The following CPM variants were observed in gnomAD, a reference collection of about 807,000 sequenced individuals.
CPM encodes the protein renal carboxypeptidase.
In CPM, 35 loss-of-function variants were observed where a neutral mutation model predicts 46.4. The observed-to-expected ratio is 0.75, with a 90% CI of 0.58 to 1.00. The LOEUF is 1.00. Among genes scored for constraint, CPM ranks in the 50% least tolerant of loss-of-function variants. The probability of loss-of-function intolerance (pLI) is 0.00; values close to 1 mark genes in which losing one functional copy is unlikely to be tolerated. For missense variants in CPM, 422 were observed against 530.4 expected, an observed-to-expected ratio of 0.80 and a Z score of 2.01; for synonymous variants, 195 against 195.3, an observed-to-expected ratio of 1.00 and a Z score of 0.01.
chr12:68,926,947 T>C (rs886374663), intron 2 of CPM, among the ~76,000 whole-genome samples: 10 of 152,274 alleles, frequency 6.6e-5, no homozygotes, highest in Non-Finnish European at 1.0e-4. Flanking sequence ...CCACATTTTC[T>C]TAATCCAGTC....
At chr12:68,896,342 C>G (rs1033820469) in intron 2 of CPM, among the ~76,000 whole-genome samples, 7 of 152,140 alleles carry the variant, frequency 4.6e-5, no homozygotes, top group Non-Finnish European at 8.8e-5. Flanking sequence ...CCTGCAACCC[C>G]TCTCCTATCA....
At chr12:68,906,637 C>T (rs138387541) in intron 2 of CPM, among the ~76,000 whole-genome samples, 1 of 152,060 alleles carries the variant, frequency 6.6e-6, no homozygotes, top group African/African-American at 2.4e-5. Flanking sequence ...TTACAGGTAT[C>T]CGCCATCACA....
In CPM at chr12:68,854,671, AGTT is replaced by A. The variant is rs1375907620; in HGVS notation, c.*1763_*1765del. The A allele has an allele frequency of 6.6e-6, 1 of 152,194 alleles. No individual in the cohort carries two copies. Among genetic ancestry groups the A allele is most frequent in the Admixed American group, 6.5e-5 (1 of 15,272 alleles). 9.4% of individuals were successfully genotyped at this position (152,194 alleles called of 1,614,324 possible). A position where few individuals can be genotyped will look rare whatever the true frequency, so the allele number is the denominator to read the frequency against. Reference sequence around the variant, plus strand: ...AGCTCTGTGTTTATGAACTACAACCAGTTGTTGACTTTTGTTTCAAGTGGCTCC... The same window carrying A: ...AGCTCTGTGTTTATGAACTACAACCAGTTGACTTTTGTTTCAAGTGGCTCC... On this transcript the variant is annotated 3_prime_UTR_variant, in exon 9 of 9. Transcript: ENST00000551568.
rs1253560854 is a variant in CPM, at chr12:68,874,381, C to T, written c.259-2425G>A. On this transcript the variant is annotated intron_variant, in intron 3 of 8. Coordinates refer to ENST00000551568, the MANE Select transcript of CPM (RefSeq NM_198320.5). Reference sequence around the variant, plus strand: ...CTGTAATCCCAGCACTTTGGGAGGCCGAGGTGGGTGGATCACCCGAAGTCA... The same window carrying T: ...CTGTAATCCCAGCACTTTGGGAGGCTGAGGTGGGTGGATCACCCGAAGTCA... 4.0e-5 allele frequency among the ~76,000 whole-genome samples: 6 copies of T among 151,650 alleles called. 1 individual carries two copies. The highest frequency in any genetic ancestry group is 1.3e-4 in the Admixed American group (2 of 15,206).
chr12:68,896,704 C>T (rs780929312), intron 2 of CPM, among the ~76,000 whole-genome samples: 1 of 152,158 alleles, frequency 6.6e-6, no homozygotes, highest in African/African-American at 2.4e-5. Context: ...AAGATCCAAA[C>T]CAAATGTCTG....
At chr12:68,897,613 T>G (rs1299991527) in intron 2 of CPM, among the ~76,000 whole-genome samples, 1 of 151,896 alleles carries the variant, frequency 6.6e-6, no homozygotes, top group Non-Finnish European at 1.5e-5. Flanking sequence ...GGTGTGTGCC[T>G]GTAATCCCAG....
intron 1 of CPM, among the ~76,000 whole-genome samples, chr12:68,939,292 ATATG>A (rs1888724620): frequency 6.8e-6 from 1 of 147,698 alleles, no homozygotes; most frequent in Non-Finnish European, 1.5e-5. Flanking sequence ...TACATATAGT[ATATG>A]TATTATGTGT....
chr12:68,884,285 G>A (rs1445785640), intron 3 of CPM, among the ~76,000 whole-genome samples: 4 of 152,048 alleles, frequency 2.6e-5, no homozygotes, highest in African/African-American at 4.8e-5. Flanking sequence ...TAAAGAAGCC[G>A]CCCGTGATGC....
chr12:68,905,592 T>C (rs1887309991), intron 2 of CPM, among the ~76,000 whole-genome samples: 1 of 151,994 alleles, frequency 6.6e-6, no homozygotes, highest in African/African-American at 2.4e-5. Flanking sequence ...ACAGAAATCT[T>C]GTTGTAGGTA....
chr12:68,857,327 A>C (rs1885023036), intron 8 of CPM, among the ~76,000 whole-genome samples: 1 of 151,530 alleles, frequency 6.6e-6, no homozygotes, highest in Non-Finnish European at 1.5e-5. Context: ...TGCCCAGGTA[A>C]TTTTTTGTAT....
At chr12:68,959,999 T>C (rs1483993393) in intron 1 of CPM, among the ~76,000 whole-genome samples, 1 of 152,250 alleles carries the variant, frequency 6.6e-6, no homozygotes, top group African/African-American at 2.4e-5. Flanking sequence ...AAAGGGATTC[T>C]GGCATGACTT....
chr12:68,959,294 T>C (rs1038115267), intron 1 of CPM, among the ~76,000 whole-genome samples: 2 of 152,194 alleles, frequency 1.3e-5, no homozygotes, highest in African/African-American at 2.4e-5. Flanking sequence ...GTCCTCTCCA[T>C]AGACTGCAAC....
At chr12:68,909,338 C>A (rs900019032) in intron 2 of CPM, among the ~76,000 whole-genome samples, 7 of 152,146 alleles carry the variant, frequency 4.6e-5, no homozygotes, top group Non-Finnish European at 1.0e-4. Context: ...TAGGTGTGTA[C>A]CACCATGCTC....
At chr12:68,927,516 C>T (rs1304923831) in intron 2 of CPM, among the ~76,000 whole-genome samples, 2 of 151,888 alleles carry the variant, frequency 1.3e-5, no homozygotes, top group African/African-American at 4.8e-5. Flanking sequence ...TTGGAGGTTG[C>T]CTGTTCACTC....
At chr12:68,931,763 A>AAAAAAAAAAAAG (rs1482981614) in intron 2 of CPM, among the ~76,000 whole-genome samples, 34 of 132,518 alleles carry the variant, frequency 2.6e-4, no homozygotes, top group African/African-American at 4.9e-4. Flanking sequence ...AAAAAAAAAA[A>AAAAAAAAAAAAG]AAAGAAAGAA....
intron 2 of CPM, among the ~76,000 whole-genome samples, chr12:68,912,154 T>C (rs1035058236): frequency 1.3e-5 from 2 of 152,118 alleles, no homozygotes; most frequent in African/African-American, 2.4e-5. Context: ...ATTACAGGCA[T>C]GCGCCAACAC....
intron 1 of CPM, among the ~76,000 whole-genome samples, chr12:68,950,878 T>A (rs1888923436): frequency 6.6e-6 from 1 of 152,218 alleles, no homozygotes; most frequent in African/African-American, 2.4e-5. Context: ...TGTCTTTACC[T>A]TCTCCAACTT....
intron 2 of CPM, among the ~76,000 whole-genome samples, chr12:68,921,230 C>T (rs1888028828): frequency 6.6e-6 from 1 of 151,510 alleles, no homozygotes; most frequent in Admixed American, 6.6e-5. Context: ...CAACCTCCAC[C>T]TCCCGGGTTC....
chr12:68,888,252 A>G (rs563094448), intron 2 of CPM, among the ~76,000 whole-genome samples: 1 of 152,260 alleles, frequency 6.6e-6, no homozygotes, highest in African/African-American at 2.4e-5. Flanking sequence ...GTAAGATGAC[A>G]TAAACCTGAC....
Sources: gnomAD v4.1 joint callset for allele counts (sites outside exome capture counted in the v4.1 genomes callset) on GRCh38, gnomAD v4.1.1 for gene constraint, MANE v1.5 for transcripts, NCBI Gene and HGNC (gene_info 2026-07-23, HGNC 2026-07-21) for gene names.